Variants in MDGA2 observed in about 807,000 individuals in gnomAD.
The protein encoded by MDGA2 is MAM domain containing glycosylphosphatidylinositol anchor 2, also known as MAM domain-containing glycosylphosphatidylinositol anchor protein 2.
A neutral mutation model predicts 117.8 loss-of-function variants in MDGA2; 40 were observed. That is an observed-to-expected ratio of 0.34 (90% CI 0.26 to 0.44). The LOEUF is 0.44. Among genes scored for constraint, MDGA2 ranks in the 20% least tolerant of loss-of-function variants. The pLI is 1.00. For synonymous variants in MDGA2, 452 were observed against 439.0 expected, an observed-to-expected ratio of 1.03 and a Z score of -0.37; for missense variants, 1,123 against 1,250.6, an observed-to-expected ratio of 0.90 and a Z score of 1.54.
intron 1 of MDGA2, among the ~76,000 whole-genome samples, chr14:47,330,488 T>G (rs8010108): frequency 1.3e-5 from 2 of 151,668 alleles, no homozygotes; most frequent in Non-Finnish European, 3.0e-5. Context: ...TCTACAAATA[T>G]TTGGTAAATT....
intron 1 of MDGA2, among the ~76,000 whole-genome samples, chr14:47,632,222 TC>T (rs2138225470): frequency 6.6e-6 from 1 of 152,306 alleles, no homozygotes; most frequent in South Asian, 2.1e-4. Flanking sequence ...AATTTTATCA[TC>T]CATTTTCCCT....
chr14:47,455,566 A>T (rs1429824138), intron 1 of MDGA2, among the ~76,000 whole-genome samples: 2 of 152,206 alleles, frequency 1.3e-5, no homozygotes, highest in Non-Finnish European at 2.9e-5. Flanking sequence ...CAACCTAAAA[A>T]GGCATAGTAA....
intron 6 of MDGA2, among the ~76,000 whole-genome samples, chr14:47,088,681 T>C (rs1345550958): frequency 4.6e-5 from 7 of 152,208 alleles, no homozygotes; most frequent in Admixed American, 4.6e-4. Flanking sequence ...TTAAGATATA[T>C]ACCTTTCAAC....
intron 2 of MDGA2, among the ~76,000 whole-genome samples, chr14:47,270,194 G>A (rs565074290): frequency 1.4e-4 from 22 of 152,186 alleles, no homozygotes; most frequent in African/African-American, 5.3e-4. Flanking sequence ...TTTCCATTAA[G>A]CAATACCAGA....
In MDGA2 at chr14:46,873,315, TAAA is replaced by T. The variant is rs1224202421; in HGVS notation, c.2752+115_2752+117del. 3 of 890,692 alleles carry T rather than the reference TAAA, an allele frequency of 3.4e-6. No individual in the cohort carries two copies. In the African/African-American group the frequency reaches 5.2e-5, roughly 15 times the overall value. The allele number at this position is 890,692 out of a possible 1,614,324, so 55.2% of individuals were successfully genotyped here. A position where few individuals can be genotyped will look rare whatever the true frequency, so the allele number is the denominator to read the frequency against. On this transcript the variant is annotated intron_variant, in intron 14 of 16. Transcript: ENST00000399232. ...TTTTGCAATTTGCAGATAAATCATT[TAAA>T]AAGTGAATTATAGCATTCTTTGACC...
intron 6 of MDGA2, among the ~76,000 whole-genome samples, chr14:47,090,563 T>C (rs1430724921): frequency 6.6e-6 from 1 of 152,182 alleles, no homozygotes; most frequent in Non-Finnish European, 1.5e-5. Context: ...TGAGGTATAC[T>C]GCATACTACA....
intron 2 of MDGA2, among the ~76,000 whole-genome samples, chr14:47,263,058 G>T (rs565128082): frequency 2.0e-5 from 3 of 152,028 alleles, no homozygotes; most frequent in East Asian, 3.9e-4. Flanking sequence ...GGTAGATCCT[G>T]CACAAAGGCA....
chr14:47,089,593 T>C (rs529476082), intron 6 of MDGA2, among the ~76,000 whole-genome samples: 1 of 151,886 alleles, frequency 6.6e-6, no homozygotes, highest in Non-Finnish European at 1.5e-5. Flanking sequence ...GCCAGGATGG[T>C]CTTATGTTTT....
intron 7 of MDGA2, among the ~76,000 whole-genome samples, chr14:47,047,428 A>G (rs1889304548): frequency 6.6e-6 from 1 of 152,124 alleles, no homozygotes; most frequent in Non-Finnish European, 1.5e-5. Context: ...AACACTTTGA[A>G]TTTTGTAATA....
intron 3 of MDGA2, among the ~76,000 whole-genome samples, chr14:47,195,339 C>T (rs2072729225): frequency 6.6e-6 from 1 of 151,880 alleles, no homozygotes; most frequent in South Asian, 2.1e-4. Context: ...AAAATATTCT[C>T]AAATCTCCAA....
At chr14:47,540,894 A>C (rs1254502543) in intron 1 of MDGA2, among the ~76,000 whole-genome samples, 1 of 152,062 alleles carries the variant, frequency 6.6e-6, no homozygotes, top group Non-Finnish European at 1.5e-5. Context: ...ATTGGTAATT[A>C]TCTGCCATGC....
At chr14:47,102,812 C>T (rs1880419200) in intron 5 of MDGA2, among the ~76,000 whole-genome samples, 1 of 152,178 alleles carries the variant, frequency 6.6e-6, no homozygotes. Flanking sequence ...TTCCTGCATT[C>T]AGTGAAAGTT....
intron 14 of MDGA2, among the ~76,000 whole-genome samples, chr14:46,866,337 A>C (rs1199433742): frequency 1.3e-5 from 2 of 152,200 alleles, no homozygotes; most frequent in South Asian, 2.1e-4. Context: ...CTGGCTAGCC[A>C]TATGTAGAAA....
chr14:47,258,340 A>G (rs1307522445), intron 2 of MDGA2, among the ~76,000 whole-genome samples: 1 of 152,100 alleles, frequency 6.6e-6, no homozygotes, highest in Non-Finnish European at 1.5e-5. Context: ...ACTTACAATC[A>G]TGGTGGAAGG....
At chr14:46,998,162 G>C (rs1397249675) in intron 8 of MDGA2, among the ~76,000 whole-genome samples, 1 of 152,070 alleles carries the variant, frequency 6.6e-6, no homozygotes, top group Non-Finnish European at 1.5e-5. Flanking sequence ...AATTTATCTA[G>C]ACCAGGCATG....
At chr14:47,149,096 G>A (rs1318270637) in intron 3 of MDGA2, among the ~76,000 whole-genome samples, 2 of 152,118 alleles carry the variant, frequency 1.3e-5, no homozygotes, top group African/African-American at 4.8e-5. Flanking sequence ...TTCGAGACAA[G>A]CCTGGCCAAC....
At chr14:47,485,142 G>C (rs1218019931) in intron 1 of MDGA2, among the ~76,000 whole-genome samples, 3 of 152,094 alleles carry the variant, frequency 2.0e-5, no homozygotes, top group African/African-American at 7.2e-5. Flanking sequence ...GAACTTCCCA[G>C]AGACTTGTTG....
intron 1 of MDGA2, among the ~76,000 whole-genome samples, chr14:47,659,351 A>G (rs970124308): frequency 6.6e-6 from 1 of 152,200 alleles, no homozygotes; most frequent in African/African-American, 2.4e-5. Context: ...AAATGTCATA[A>G]TAATTGTTGG....
At chr14:47,610,454 G>A (rs1377333353) in intron 1 of MDGA2, among the ~76,000 whole-genome samples, 1 of 151,834 alleles carries the variant, frequency 6.6e-6, no homozygotes, top group Non-Finnish European at 1.5e-5. Context: ...TAAAATAATT[G>A]AGCAAAGTTT....
Sources: allele counts gnomAD v4.1 joint callset (sites outside exome capture counted in the v4.1 genomes callset), GRCh38; gene constraint gnomAD v4.1.1; transcripts MANE v1.5; gene names NCBI Gene and HGNC (gene_info 2026-07-23, HGNC 2026-07-21).